The following TNFRSF13B variants were observed in gnomAD, a reference collection of about 807,000 sequenced individuals.
TNFRSF13B encodes the protein TNF receptor superfamily member 13B.
In TNFRSF13B, 34 loss-of-function variants were observed where a neutral mutation model predicts 24.0. That is an observed-to-expected ratio of 1.41 (90% confidence interval 1.08 to 1.88). The LOEUF is 1.88. Among genes scored for constraint, TNFRSF13B ranks in the 40% most tolerant of loss-of-function variants. The pLI is 0.00. For missense variants in TNFRSF13B, 415 were observed against 380.8 expected, an observed-to-expected ratio of 1.09 and a Z score of -0.75; for synonymous variants, 173 against 150.3, an observed-to-expected ratio of 1.15 and a Z score of -1.10.
chr17:16,957,358 T>G (rs868459994), intron 1 of TNFRSF13B, among the ~76,000 whole-genome samples: 10 of 151,382 alleles, frequency 6.6e-5, no homozygotes, highest in Admixed American at 4.6e-4. Flanking sequence ...TTGAGGAAAA[T>G]TGAACAGAGC....
At chr17:16,940,207 C>A in intron 4 of TNFRSF13B, 119 bp downstream of exon 4, 2 of 1,599,200 alleles carry the variant, frequency 1.3e-6, no homozygotes, top group South Asian at 1.1e-5. Flanking sequence ...TAGCAAGTAA[C>A]AGGGATGAGC....
chr17:16,964,507 T>A (rs2087686205), intron 1 of TNFRSF13B, among the ~76,000 whole-genome samples: 1 of 151,942 alleles, frequency 6.6e-6, no homozygotes. Flanking sequence ...TACACCCGGC[T>A]AATTTTTGTA....
rs1481142868 is a variant in TNFRSF13B at position 16,945,548 on chromosome 17, A to G, written c.445+3190T>C. ...TCTGTGAGGTGGCTAGGAATGACCCACGGGGGAATCTGTTGCATCAGAGGT... is the reference window on the plus strand; with the variant it reads ...TCTGTGAGGTGGCTAGGAATGACCCGCGGGGGAATCTGTTGCATCAGAGGT... On this transcript the variant is annotated intron_variant, in intron 3 of 4. Coordinates refer to ENST00000261652, the MANE Select transcript of TNFRSF13B (RefSeq NM_012452.3). Among the ~76,000 whole-genome samples the G allele has an allele frequency of 3.9e-5, 6 of 152,322 alleles. 1 individual carries two copies. Among genetic ancestry groups the G allele is most frequent in the Admixed American group, 3.9e-4 (6 of 15,302 alleles).
chr17:16,946,611 A>C (rs2087551349), intron 3 of TNFRSF13B, among the ~76,000 whole-genome samples: 1 of 148,226 alleles, frequency 6.7e-6, no homozygotes, highest in Non-Finnish European at 1.5e-5. Context: ...TTTTTGAGAC[A>C]CAGTCTCACT....
intron 1 of TNFRSF13B, among the ~76,000 whole-genome samples, chr17:16,965,986 G>A (rs1015939025): frequency 2.0e-5 from 3 of 151,982 alleles, no homozygotes; most frequent in Non-Finnish European, 4.4e-5. Context: ...TGGATGCGGC[G>A]GCTCATGCTT....
intron 3 of TNFRSF13B, chr17:16,941,562 G>A (rs58928848): frequency 0.25 from 249,965 of 986,352 alleles, 32,389 homozygotes; most frequent in Admixed American, 0.29. Context: ...TTCCCCTACA[G>A]CACCCCCTTC....
At position 16,972,016 on chromosome 17, in the gene TNFRSF13B, G is replaced by A; in HGVS notation, c.60C>T (p.Arg20=). The change falls in exon 1 of 5, where the codon CGC becomes CGT. Residue 20 remains arginine, a splice_region_variant and synonymous_variant. Transcript: ENST00000261652. ...GGRSRVDQEE[R]FPQGLWTGVA... ...CTGCCCTCCTGCCCGGCTACTCACAGCGCTCCTCCTGGTCCACACGGCTCC... is the reference window on the plus strand; with the variant it reads ...CTGCCCTCCTGCCCGGCTACTCACAACGCTCCTCCTGGTCCACACGGCTCC... 2 of 1,614,092 alleles carry A rather than the reference G, an allele frequency of 1.2e-6. No individual in the cohort carries two copies. The highest frequency in any genetic ancestry group is 1.3e-5 in the African/African-American group (1 of 75,036).
Position 16,948,723 on chromosome 17 carries a change from C to T in TNFRSF13B, c.445+15G>A. The T allele has an allele frequency of 1.2e-6, 2 of 1,613,536 alleles. No individual in the cohort carries two copies. Among genetic ancestry groups the T allele is most frequent in the Non-Finnish European group, 1.7e-6 (2 of 1,180,016 alleles). On this transcript the variant is annotated intron_variant, in intron 3 of 4. Coordinates refer to ENST00000261652, the MANE Select transcript of TNFRSF13B (RefSeq NM_012452.3). Reference sequence around the variant, plus strand: ...CCCTGCGTGACACCATGCAGGTTTGCCTTGGGTGGCTTACCTGGACTTGCT... The same window carrying T: ...CCCTGCGTGACACCATGCAGGTTTGTCTTGGGTGGCTTACCTGGACTTGCT...
chr17:16,955,489 TCG>T (rs1324394755), intron 1 of TNFRSF13B, among the ~76,000 whole-genome samples: 1 of 152,182 alleles, frequency 6.6e-6, no homozygotes, highest in African/African-American at 2.4e-5. Context: ...GAAGATGTAA[TCG>T]AATAAATTGT....
intron 2 of TNFRSF13B, among the ~76,000 whole-genome samples, chr17:16,951,459 C>T (rs2087588031): frequency 6.6e-6 from 1 of 152,340 alleles, no homozygotes; most frequent in African/African-American, 2.4e-5. Flanking sequence ...TCAGGGAAAA[C>T]TGGATATTGC....
intron 1 of TNFRSF13B, among the ~76,000 whole-genome samples, chr17:16,954,721 A>C (rs966892760): frequency 6.6e-5 from 10 of 152,232 alleles, no homozygotes; most frequent in African/African-American, 2.2e-4. Context: ...GAAGGGGTGA[A>C]GCTCTGTAAG....
At chr17:16,961,002 T>C (rs914827994) in intron 1 of TNFRSF13B, among the ~76,000 whole-genome samples, 3 of 152,236 alleles carry the variant, frequency 2.0e-5, no homozygotes, top group African/African-American at 7.2e-5. Flanking sequence ...CAAGAAAAGA[T>C]GCTCAACATC....
rs573374529 is a variant in TNFRSF13B, at chr17:16,948,172, CTG to C, written c.445+564_445+565del. Among the ~76,000 whole-genome samples, 4 of 152,180 alleles carry C rather than the reference CTG, an allele frequency of 2.6e-5. No homozygotes were observed. The South Asian group carries it at 8.3e-4, about 32-fold the overall frequency. Reference sequence around the variant, plus strand: ...GACATAAAGACAGGAACAACAGACACTGGGGCCTACTAGAAGGGGGAGGCAGA... The same window carrying C: ...GACATAAAGACAGGAACAACAGACACGGGCCTACTAGAAGGGGGAGGCAGA... On this transcript the variant is annotated intron_variant, in intron 3 of 4. Transcript: ENST00000261652.
intron 1 of TNFRSF13B, among the ~76,000 whole-genome samples, chr17:16,968,153 A>G (rs2087718581): frequency 7.1e-6 from 1 of 141,308 alleles, no homozygotes; most frequent in South Asian, 2.3e-4. Flanking sequence ...AAAAAAAAAA[A>G]AAAGAAAAAA....
intron 3 of TNFRSF13B, among the ~76,000 whole-genome samples, chr17:16,945,711 C>A (rs1300120609): frequency 6.6e-6 from 1 of 152,178 alleles, no homozygotes; most frequent in Non-Finnish European, 1.5e-5. Flanking sequence ...TGTATCCACA[C>A]CCCCTCCATG....
At chr17:16,954,341 A>G (rs1351074601) in intron 1 of TNFRSF13B, among the ~76,000 whole-genome samples, 1 of 152,188 alleles carries the variant, frequency 6.6e-6, no homozygotes, top group Non-Finnish European at 1.5e-5. Flanking sequence ...CTATGACCAC[A>G]TCACTGCACT....
rs2087749224 is a variant in TNFRSF13B at position 16,972,058 on chromosome 17, C to T, written c.18G>A (p.Arg6=). 3 of 1,614,100 alleles carry T rather than the reference C, an allele frequency of 1.9e-6. No individual in the cohort carries two copies. Among genetic ancestry groups the T allele is most frequent in the Non-Finnish European group, 2.5e-6 (3 of 1,180,036 alleles). MSGLG[R]SRRGGRSRVD... is the part of the protein sequence containing the mutation. ...CACGGCTCCGGCCACCTCGCCTGCTCCGGCCCAGGCCACTCATTACTCAGG... is the reference window on the plus strand; with the variant it reads ...CACGGCTCCGGCCACCTCGCCTGCTTCGGCCCAGGCCACTCATTACTCAGG... Residue 6 remains arginine (R), a synonymous_variant, in exon 1 of 5, where the codon CGG becomes CGA. Coordinates refer to ENST00000261652, the MANE Select transcript of TNFRSF13B (RefSeq NM_012452.3).
rs529331012 is a variant in TNFRSF13B at position 16,951,296 on chromosome 17, G to A, written c.199+1150C>T. Among the ~76,000 whole-genome samples, 7 of 152,292 alleles carry A rather than the reference G, an allele frequency of 4.6e-5. No individual in the cohort carries two copies. The South Asian group carries it at 1.4e-3, about 32-fold the overall frequency. ...CTGTGCTAGGCTCAAGTCAGACATG[G>A]TTCCCCTGCCAGGGAGCTCCCAGTC... On this transcript the variant is annotated intron_variant, in intron 2 of 4. Transcript: ENST00000261652.
rs1337906793 is a variant in TNFRSF13B at position 16,958,249 on chromosome 17, A to G, written c.62-5666T>C. On this transcript the variant is annotated intron_variant, in intron 1 of 4. Transcript: ENST00000261652. Reference sequence around the variant, plus strand: ...AATATGTATAGAAAAAGAAAGAAAAAGGGACTCAAAGTGGCCCACTACAAA... The same window carrying G: ...AATATGTATAGAAAAAGAAAGAAAAGGGGACTCAAAGTGGCCCACTACAAA... Among the ~76,000 whole-genome samples, 3 of 152,128 alleles carry G rather than the reference A, an allele frequency of 2.0e-5. No individual in the cohort carries two copies. In the East Asian group the frequency reaches 5.8e-4, roughly 29 times the overall value.
Sources: allele counts gnomAD v4.1 joint callset (sites outside exome capture counted in the v4.1 genomes callset), GRCh38; gene constraint gnomAD v4.1.1; transcripts MANE v1.5; gene names NCBI Gene and HGNC (gene_info 2026-07-23, HGNC 2026-07-21).